The following L3MBTL4 variants were observed in gnomAD, a reference collection of about 807,000 sequenced individuals.
L3MBTL4 encodes the protein lethal(3)malignant brain tumor-like protein 4.
In L3MBTL4, 70 loss-of-function variants were observed where a neutral mutation model predicts 84.5. The ratio of observed to expected loss-of-function variants is 0.83; its 90% CI spans 0.68 to 1.01. The LOEUF (loss-of-function observed/expected upper bound fraction) is 1.01. Among genes scored for constraint, L3MBTL4 ranks in the 50% least tolerant of loss-of-function variants. L3MBTL4 has a pLI of 0.00. For missense variants in L3MBTL4, 715 were observed against 754.8 expected, an observed-to-expected ratio of 0.95 and a Z score of 0.62; for synonymous variants, 274 against 259.8, an observed-to-expected ratio of 1.05 and a Z score of -0.52.
chr18:6,129,332 T>C (rs1484938676), intron 14 of L3MBTL4, among the ~76,000 whole-genome samples: 2 of 151,666 alleles, frequency 1.3e-5, no homozygotes, highest in Non-Finnish European at 2.9e-5. Flanking sequence ...AAAATATCAA[T>C]GCATGGATAC....
intron 16 of L3MBTL4, among the ~76,000 whole-genome samples, chr18:5,991,380 A>G (rs1339688340): frequency 6.6e-6 from 1 of 152,152 alleles, no homozygotes; most frequent in Non-Finnish European, 1.5e-5. Flanking sequence ...TTTAGGGAAG[A>G]GTCTGTCTCT....
At chr18:6,187,917 G>A (rs1046016494) in intron 12 of L3MBTL4, among the ~76,000 whole-genome samples, 8 of 149,356 alleles carry the variant, frequency 5.4e-5, no homozygotes, top group African/African-American at 2.0e-4. Context: ...TGTGTGTAGT[G>A]AGAGCTAAAC....
chr18:6,385,434 T>C (rs768838294), intron 1 of L3MBTL4, among the ~76,000 whole-genome samples: 3 of 151,918 alleles, frequency 2.0e-5, no homozygotes, highest in Non-Finnish European at 4.4e-5. Flanking sequence ...AAAATTAAAA[T>C]TAAACAAGCT....
intron 5 of L3MBTL4, among the ~76,000 whole-genome samples, chr18:6,253,743 A>T (rs886292321): frequency 6.6e-6 from 1 of 152,202 alleles, no homozygotes; most frequent in African/African-American, 2.4e-5. Flanking sequence ...GAATCTTGCA[A>T]TAAATCTTTT....
chr18:6,340,583 G>T (rs753230327), intron 1 of L3MBTL4, among the ~76,000 whole-genome samples: 1 of 152,098 alleles, frequency 6.6e-6, no homozygotes, highest in Non-Finnish European at 1.5e-5. Flanking sequence ...CATGGCAAAG[G>T]GGCAGGGGCT....
intron 13 of L3MBTL4, among the ~76,000 whole-genome samples, chr18:6,165,030 G>A (rs1036788715): frequency 2.0e-5 from 3 of 152,178 alleles, no homozygotes; most frequent in African/African-American, 4.8e-5. Context: ...ACTACGTGAC[G>A]AATGCACAAG....
chr18:6,191,587 A>G (rs2045093393), intron 12 of L3MBTL4, among the ~76,000 whole-genome samples: 1 of 152,206 alleles, frequency 6.6e-6, no homozygotes, highest in Non-Finnish European at 1.5e-5. Context: ...CAGTTCATCA[A>G]CATATAGGTG....
chr18:6,309,147 C>T (rs923186252), intron 3 of L3MBTL4, among the ~76,000 whole-genome samples: 2 of 152,102 alleles, frequency 1.3e-5, no homozygotes, highest in South Asian at 2.1e-4. Flanking sequence ...TGACTAGAAA[C>T]GTCGCTTGTA....
chr18:6,038,869 C>A (rs977580719), intron 16 of L3MBTL4, among the ~76,000 whole-genome samples: 2 of 151,864 alleles, frequency 1.3e-5, no homozygotes, highest in African/African-American at 4.8e-5. Context: ...AAATCTTAAC[C>A]CCCTACGGTT....
chr18:6,113,654 T>C (rs143216736), intron 14 of L3MBTL4, among the ~76,000 whole-genome samples: 1 of 152,240 alleles, frequency 6.6e-6, no homozygotes, highest in Non-Finnish European at 1.5e-5. Flanking sequence ...TGAAACATAT[T>C]TACCAATTCA....
At chr18:6,104,220 C>G (rs2058924730) in intron 14 of L3MBTL4, among the ~76,000 whole-genome samples, 1 of 152,168 alleles carries the variant, frequency 6.6e-6, no homozygotes, top group Admixed American at 6.5e-5. Context: ...AATCCCACTT[C>G]TGGATATTTA....
At chr18:6,192,440 G>A (rs2045155433) in intron 12 of L3MBTL4, among the ~76,000 whole-genome samples, 1 of 152,088 alleles carries the variant, frequency 6.6e-6, no homozygotes, top group South Asian at 2.1e-4. Context: ...GAAGGCAGTG[G>A]CAGGGAGATG....
At chr18:6,343,203 A>C (rs920379548) in intron 1 of L3MBTL4, among the ~76,000 whole-genome samples, 2 of 152,220 alleles carry the variant, frequency 1.3e-5, no homozygotes, top group Non-Finnish European at 2.9e-5. Flanking sequence ...AAAATCAATA[A>C]GGGAACAACG....
chr18:5,973,361 T>A (rs1409353278), intron 16 of L3MBTL4, among the ~76,000 whole-genome samples: 2 of 152,218 alleles, frequency 1.3e-5, no homozygotes, highest in Non-Finnish European at 2.9e-5. Context: ...GGCAACCGTG[T>A]CAGATGCTAA....
chr18:6,364,946 A>G (rs2053865134), intron 1 of L3MBTL4, among the ~76,000 whole-genome samples: 1 of 152,088 alleles, frequency 6.6e-6, no homozygotes, highest in Admixed American at 6.5e-5. Flanking sequence ...ACCAAGAATG[A>G]GGACAATTGT....
At chr18:6,049,700 T>TA (rs1339104606) in intron 16 of L3MBTL4, among the ~76,000 whole-genome samples, 3 of 151,998 alleles carry the variant, frequency 2.0e-5, no homozygotes, top group Admixed American at 2.0e-4. Context: ...CAAAAATAGA[T>TA]ACTGGAAACT....
At chr18:5,961,151 T>G (rs2095261429) in intron 17 of L3MBTL4, among the ~76,000 whole-genome samples, 1 of 152,252 alleles carries the variant, frequency 6.6e-6, no homozygotes, top group Non-Finnish European at 1.5e-5. Context: ...GAATTGTGTG[T>G]GCTGGCCCTT....
intron 10 of L3MBTL4, among the ~76,000 whole-genome samples, chr18:6,231,923 G>A (rs1302423252): frequency 1.3e-5 from 2 of 152,072 alleles, no homozygotes; most frequent in Non-Finnish European, 2.9e-5. Context: ...CTAGATCTAT[G>A]CTGAAACAAA....
intron 15 of L3MBTL4, among the ~76,000 whole-genome samples, chr18:6,090,171 A>G (rs1375219672): frequency 6.6e-6 from 1 of 152,194 alleles, no homozygotes; most frequent in African/African-American, 2.4e-5. Flanking sequence ...TTTTCAGTAA[A>G]TGGTGACTTA....
Sources: gnomAD v4.1 joint callset for allele counts (sites outside exome capture counted in the v4.1 genomes callset) on GRCh38, gnomAD v4.1.1 for gene constraint, MANE v1.5 for transcripts, NCBI Gene and HGNC (gene_info 2026-07-23, HGNC 2026-07-21) for gene names.